Variants in ASAP1 observed in about 807,000 individuals in gnomAD.
The protein encoded by ASAP1 is ArfGAP with SH3 domain, ankyrin repeat and PH domain 1.
A neutral mutation model predicts 145.2 loss-of-function variants in ASAP1; 43 were observed. The ratio of observed to expected loss-of-function variants is 0.30; its 90% CI spans 0.23 to 0.38. The LOEUF is 0.38. Ranked by LOEUF, ASAP1 falls within the 10% of genes least tolerant of loss-of-function variation. The pLI is 1.00. For missense variants in ASAP1, 1,018 were observed against 1,355.3 expected (o/e 0.75, Z 3.91); for synonymous variants, 546 against 515.5 (o/e 1.06, Z -0.80).
intron 3 of ASAP1, among the ~76,000 whole-genome samples, chr8:130,253,630 A>G (rs1413738453): frequency 2.6e-5 from 4 of 152,180 alleles, no homozygotes; most frequent in Non-Finnish European, 5.9e-5. Flanking sequence ...TCCGTCTGCC[A>G]TTTTTATTTT....
chr8:130,067,571 A>T (rs1480212151), intron 27 of ASAP1, among the ~76,000 whole-genome samples: 1 of 151,986 alleles, frequency 6.6e-6, no homozygotes, highest in Non-Finnish European at 1.5e-5. Flanking sequence ...AATTTTTCAA[A>T]TTTCTGTAGA....
At chr8:130,070,148 T>C (rs1477973230) in intron 27 of ASAP1, among the ~76,000 whole-genome samples, 4 of 150,260 alleles carry the variant, frequency 2.7e-5, no homozygotes, top group African/African-American at 4.9e-5. Context: ...GCCATTCTCC[T>C]GCCTCAGCCT....
At chr8:130,056,567 C>T (rs1013445905) in intron 29 of ASAP1, among the ~76,000 whole-genome samples, 1 of 152,188 alleles carries the variant, frequency 6.6e-6, no homozygotes, top group African/African-American at 2.4e-5. Flanking sequence ...GCAAAATTGC[C>T]CCAGTTGAGT....
chr8:130,154,634 T>C (rs1472649637), intron 12 of ASAP1, among the ~76,000 whole-genome samples: 1 of 152,208 alleles, frequency 6.6e-6, no homozygotes, highest in African/African-American at 2.4e-5. Context: ...CTTCTTAAAT[T>C]AGTCCTCTAA....
At chr8:130,196,008 T>C (rs1180387995) in intron 5 of ASAP1, among the ~76,000 whole-genome samples, 1 of 152,256 alleles carries the variant, frequency 6.6e-6, no homozygotes, top group Non-Finnish European at 1.5e-5. Flanking sequence ...CCTGTATCTA[T>C]TTTGTTTACT....
At chr8:130,185,769 A>C (rs1287645158) in intron 7 of ASAP1, among the ~76,000 whole-genome samples, 1 of 151,782 alleles carries the variant, frequency 6.6e-6, no homozygotes, top group African/African-American at 2.4e-5. Flanking sequence ...AAGAAAAAAA[A>C]AGAAAAGCCA....
At chr8:130,297,937 T>C (rs1822387493) in intron 3 of ASAP1, among the ~76,000 whole-genome samples, 1 of 152,160 alleles carries the variant, frequency 6.6e-6, no homozygotes, top group African/African-American at 2.4e-5. Context: ...AGAGAGGCCA[T>C]TGTCTGGCCC....
intron 3 of ASAP1, among the ~76,000 whole-genome samples, chr8:130,324,309 T>C (rs1313577250): frequency 6.6e-6 from 1 of 152,116 alleles, no homozygotes; most frequent in Admixed American, 6.6e-5. Flanking sequence ...AAGGTAAACA[T>C]CATGGGTAAG....
At position 130,401,793 on chromosome 8, in the gene ASAP1, T is replaced by C. The variant is rs527332241; in HGVS notation, c.59+92A>G. ...CTCTGTTAGATTCCAGTGCTTGTGTTTGATAAAATTTTGCATTTCAACTCC... is the reference window on the plus strand; with the variant it reads ...CTCTGTTAGATTCCAGTGCTTGTGTCTGATAAAATTTTGCATTTCAACTCC... On this transcript the variant is annotated intron_variant, in intron 2 of 29. Transcript: ENST00000518721. 4.2e-4 allele frequency: 501 copies of C among 1,192,372 alleles called. 2 individuals are homozygous for C. The highest frequency in any genetic ancestry group is 5.8e-4 in the Non-Finnish European group (478 of 824,894). 73.9% of individuals were successfully genotyped at this position (1,192,372 alleles called of 1,614,324 possible). A position where few individuals can be genotyped will look rare whatever the true frequency, so the allele number is the denominator to read the frequency against.
intron 1 of ASAP1, among the ~76,000 whole-genome samples, chr8:130,415,253 G>A (rs1000177504): frequency 6.6e-6 from 1 of 151,390 alleles, no homozygotes; most frequent in Admixed American, 6.6e-5. Context: ...AGGATAGCTT[G>A]AGGCTAGGAG....
At chr8:130,278,135 A>G (rs1205146410) in intron 3 of ASAP1, among the ~76,000 whole-genome samples, 1 of 152,154 alleles carries the variant, frequency 6.6e-6, no homozygotes, top group African/African-American at 2.4e-5. Flanking sequence ...TATCCCTCAA[A>G]CCATGAGTTC....
intron 3 of ASAP1, among the ~76,000 whole-genome samples, chr8:130,288,827 G>C (rs952561945): frequency 5.3e-5 from 8 of 152,230 alleles, no homozygotes; most frequent in African/African-American, 1.9e-4. Context: ...AATGTCCAAT[G>C]ATGGGAGATG....
intron 3 of ASAP1, among the ~76,000 whole-genome samples, chr8:130,324,691 T>C (rs955145361): frequency 3.3e-5 from 5 of 152,208 alleles, no homozygotes; most frequent in Admixed American, 2.0e-4. Context: ...TCCAAGTCTA[T>C]GGATACAAGA....
chr8:130,081,247 T>G (rs1487092624), intron 25 of ASAP1, among the ~76,000 whole-genome samples: 1 of 151,992 alleles, frequency 6.6e-6, no homozygotes, highest in Admixed American at 6.6e-5. Flanking sequence ...GGCACACAGG[T>G]GGAGGTAAGT....
chr8:130,121,752 C>T (rs1471894327), intron 18 of ASAP1, among the ~76,000 whole-genome samples: 2 of 130,398 alleles, frequency 1.5e-5, no homozygotes, highest in African/African-American at 5.9e-5. Context: ...TCACTGCACT[C>T]CAGCCTAGGC....
In ASAP1 at chr8:130,134,328, G is replaced by T; in HGVS notation, c.1185C>A (p.His395Gln). ...FDLISHNRTY[H>Q]FQAEDEQDYV... The stretch of plus-strand genomic sequence containing the variant: ...AATCCTGCTCATCTTCTGCCTGAAA[G>T]TGATATGTTCTATTATCTAAAATAA... Residue 395 changes from histidine (H) to glutamine (Q), a missense_variant, in exon 15 of 30, where the codon CAC becomes CAA. Coordinates refer to ENST00000518721, the MANE Select transcript of ASAP1 (RefSeq NM_018482.4). The T allele has an allele frequency of 6.3e-7, 1 of 1,584,260 alleles. No individual in the cohort carries two copies.
At chr8:130,404,331 T>C (rs1013169207) in intron 1 of ASAP1, among the ~76,000 whole-genome samples, 13 of 152,190 alleles carry the variant, frequency 8.5e-5, no homozygotes, top group African/African-American at 3.1e-4. Context: ...CATATGGAAA[T>C]GCAATGGACT....
At chr8:130,439,583 A>G (rs1236749012) in intron 1 of ASAP1, among the ~76,000 whole-genome samples, 1 of 152,234 alleles carries the variant, frequency 6.6e-6, no homozygotes, top group African/African-American at 2.4e-5. Flanking sequence ...AGATATTAAA[A>G]AAAAAAGGGT....
intron 2 of ASAP1, among the ~76,000 whole-genome samples, chr8:130,364,938 AAAAT>A (rs1183758498): frequency 6.6e-6 from 1 of 152,228 alleles, no homozygotes; most frequent in African/African-American, 2.4e-5. Context: ...CCAGTCTCAA[AAAAT>A]AAATAAATAA....
Sources: gnomAD v4.1 joint callset for allele counts (sites outside exome capture counted in the v4.1 genomes callset) on GRCh38, gnomAD v4.1.1 for gene constraint, MANE v1.5 for transcripts, NCBI Gene and HGNC (gene_info 2026-07-23, HGNC 2026-07-21) for gene names.